FRYL: variants seen among roughly 807,000 people sequenced by gnomAD.
FRYL encodes the protein FRY like transcription coactivator, also known as protein furry homolog-like.
Under a neutral mutation model 351.2 loss-of-function variants are expected in FRYL, and 150 were observed. That is an observed-to-expected ratio of 0.43 (90% CI 0.37 to 0.49). FRYL has a LOEUF of 0.49. Ranked by LOEUF, FRYL falls within the 20% of genes least tolerant of loss-of-function variation. The pLI is 0.00. For missense variants in FRYL, 3,036 were observed against 3,619.3 expected (o/e 0.84, Z 4.13); for synonymous variants, 1,153 against 1,257.1 (o/e 0.92, Z 1.75).
At chr4:48,509,993 C>T (rs1020807976) in intron 59 of FRYL, 66 bp downstream of exon 59, 5 of 1,042,954 alleles carry the variant, frequency 4.8e-6, no homozygotes, top group Non-Finnish European at 7.5e-6. Context: ...GGCTATTCTG[C>T]TGCCAGGATT....
intron 1 of FRYL, among the ~76,000 whole-genome samples, chr4:48,723,099 T>A (rs1769673484): frequency 6.6e-6 from 1 of 152,076 alleles, no homozygotes; most frequent in African/African-American, 2.4e-5. Context: ...TTTGTTTGTT[T>A]TGTTTTGTCT....
chr4:48,653,075 C>T (rs1758059892), intron 3 of FRYL, among the ~76,000 whole-genome samples: 1 of 152,096 alleles, frequency 6.6e-6, no homozygotes, highest in South Asian at 2.1e-4. Flanking sequence ...AAATATTGAA[C>T]AAAAGCAATA....
intron 3 of FRYL, among the ~76,000 whole-genome samples, chr4:48,651,259 T>TGTGG (rs1757606956): frequency 1.1e-5 from 1 of 94,230 alleles, no homozygotes; most frequent in African/African-American, 4.2e-5. Flanking sequence ...TGTGTGTGTG[T>TGTGG]AGTGGTAGAA....
intron 1 of FRYL, among the ~76,000 whole-genome samples, chr4:48,768,904 G>T (rs1350448537): frequency 6.6e-6 from 1 of 152,226 alleles, no homozygotes; most frequent in Admixed American, 6.5e-5. Context: ...GCTGAGGCAG[G>T]AAGACTGCTT....
chr4:48,773,137 C>T (rs1560382899), intron 1 of FRYL, among the ~76,000 whole-genome samples: 1 of 152,128 alleles, frequency 6.6e-6, no homozygotes, highest in East Asian at 1.9e-4. Context: ...AAACTGCATC[C>T]TCCTACCTTA....
intron 16 of FRYL, among the ~76,000 whole-genome samples, chr4:48,592,174 T>C (rs1743544795): frequency 1.3e-5 from 2 of 149,934 alleles, no homozygotes; most frequent in African/African-American, 5.0e-5. Flanking sequence ...GACATAGTAC[T>C]GGTGCCCTCC....
At position 48,499,322 on chromosome 4, in the gene FRYL, G is replaced by A. The variant is rs1382287112; in HGVS notation, c.*100C>T. 1 of 1,021,000 alleles carries A rather than the reference G, an allele frequency of 9.8e-7. No homozygotes were observed. Among genetic ancestry groups the A allele is most frequent in the Non-Finnish European group, 1.5e-6 (1 of 679,312 alleles). The allele number at this position is 1,021,000 out of a possible 1,614,324, so 63.2% of individuals were successfully genotyped here. A position where few individuals can be genotyped will look rare whatever the true frequency, so the allele number is the denominator to read the frequency against. ...TTAGTTACACTAAAAAGTAGATGCT[G>A]CCAGAAAGTTATCAGTGAATGCAAG... On this transcript the variant is annotated 3_prime_UTR_variant, in exon 64 of 64. Coordinates refer to ENST00000358350, the MANE Select transcript of FRYL (RefSeq NM_015030.2).
At chr4:48,661,041 T>C (rs1198771294) in intron 3 of FRYL, among the ~76,000 whole-genome samples, 1 of 152,200 alleles carries the variant, frequency 6.6e-6, no homozygotes, top group Non-Finnish European at 1.5e-5. Flanking sequence ...TGAGCTTTTG[T>C]AAATAATAAT....
rs747960092 is a variant in FRYL at position 48,557,609 on chromosome 4, A to C, written c.3969T>G (p.Pro1323=). 2.5e-6 allele frequency: 4 copies of C among 1,613,840 alleles called. No homozygotes were observed. Among genetic ancestry groups the C allele is most frequent in the Non-Finnish European group, 3.4e-6 (4 of 1,180,028 alleles). Residue 1323 remains proline, a synonymous_variant, in exon 34 of 64, where the codon CCT becomes CCG. Transcript: ENST00000358350. ...CATCATGTCGCCTTGCTGTGGGGAGAGGTTTTAAGTCCACCAGCTCGATGT... is the reference window on the plus strand; with the variant it reads ...CATCATGTCGCCTTGCTGTGGGGAGCGGTTTTAAGTCCACCAGCTCGATGT... ...MNNIELVDLK[P]LPTARRHDED...
intron 7 of FRYL, among the ~76,000 whole-genome samples, chr4:48,612,964 AGTAT>A (rs1203549475): frequency 6.6e-6 from 1 of 152,126 alleles, no homozygotes; most frequent in Non-Finnish European, 1.5e-5. Flanking sequence ...CTTTATTATG[AGTAT>A]GTATGTATAT....
chr4:48,542,214 C>A, intron 44 of FRYL, 93 bp from the exon 45 acceptor site: 1 of 836,846 alleles, frequency 1.2e-6, no homozygotes, highest in Admixed American at 2.2e-5. Context: ...AGAACAAACT[C>A]CATGTTATGT....
rs763109849 is a variant in FRYL at position 48,619,377 on chromosome 4, C to T, written c.315-7G>A. 6 of 1,542,132 alleles carry T rather than the reference C, an allele frequency of 3.9e-6. No homozygotes were observed. In the East Asian group the frequency reaches 1.4e-4, roughly 35 times the overall value. On this transcript the variant is annotated splice_region_variant and splice_polypyrimidine_tract_variant and intron_variant, in intron 6 of 63. Coordinates refer to ENST00000358350, the MANE Select transcript of FRYL (RefSeq NM_015030.2). ...TTCACGTTGCTGTTCATCCCTGAAA[C>T]AAGAATCCAAAATTAGTACTGCATT...
chr4:48,770,599 G>C (rs1775412215), intron 1 of FRYL, among the ~76,000 whole-genome samples: 1 of 151,794 alleles, frequency 6.6e-6, no homozygotes, highest in African/African-American at 2.4e-5. Flanking sequence ...TACCACGCCT[G>C]GCTAATTTTG....
At chr4:48,738,494 TTTG>T (rs1054139550) in intron 1 of FRYL, among the ~76,000 whole-genome samples, 3 of 151,864 alleles carry the variant, frequency 2.0e-5, no homozygotes, top group South Asian at 2.1e-4. Flanking sequence ...GACTCAAGCT[TTTG>T]TTGTTGTTGT....
At chr4:48,593,374 C>G (rs911323131) in intron 16 of FRYL, among the ~76,000 whole-genome samples, 2 of 148,658 alleles carry the variant, frequency 1.3e-5, no homozygotes, top group African/African-American at 5.0e-5. Flanking sequence ...GACAGAGTTT[C>G]GCTCTTATTG....
chr4:48,662,053 C>G (rs1238147291), intron 3 of FRYL, among the ~76,000 whole-genome samples: 1 of 152,082 alleles, frequency 6.6e-6, no homozygotes, highest in Non-Finnish European at 1.5e-5. Flanking sequence ...ATGAAACAAA[C>G]AAACAAAAAT....
chr4:48,547,259 T>C (rs1279326820), intron 41 of FRYL, among the ~76,000 whole-genome samples: 2 of 152,228 alleles, frequency 1.3e-5, no homozygotes, highest in Non-Finnish European at 2.9e-5. Context: ...TTTCAGATCC[T>C]GCAAATAAGA....
rs1560645467 is a variant in FRYL, at chr4:48,578,984, C to T, written c.2517G>A (p.Gln839=). 1.9e-6 allele frequency: 3 copies of T among 1,607,020 alleles called. No homozygotes were observed. The highest frequency in any genetic ancestry group is 2.5e-6 in the Non-Finnish European group (3 of 1,177,252). ...AYTRLQLLSP[Q]VDINSPINAK... ...GGAAAATAACTTACTTTATATCGAC[C>T]TGAGGGGACAACAACTGAAGTCTTG... Residue 839 remains glutamine, a synonymous_variant, in exon 23 of 64, where the codon CAG becomes CAA. Coordinates refer to ENST00000358350, the MANE Select transcript of FRYL (RefSeq NM_015030.2).
intron 11 of FRYL, among the ~76,000 whole-genome samples, chr4:48,604,361 A>G (rs1232082438): frequency 6.6e-6 from 1 of 152,236 alleles, no homozygotes; most frequent in Non-Finnish European, 1.5e-5. Flanking sequence ...CCCAAAATTC[A>G]TGTTGAAGTC....
Sources: gnomAD v4.1 joint callset for allele counts (sites outside exome capture counted in the v4.1 genomes callset) on GRCh38, gnomAD v4.1.1 for gene constraint, MANE v1.5 for transcripts, NCBI Gene and HGNC (gene_info 2026-07-23, HGNC 2026-07-21) for gene names.